ZCCHC14: variants seen among roughly 807,000 people sequenced by gnomAD.
ZCCHC14 encodes the protein zinc finger CCHC-type containing 14.
In ZCCHC14, 16 loss-of-function variants were observed where a neutral mutation model predicts 85.0. That is an observed-to-expected ratio of 0.19 (90% CI 0.13 to 0.29). The LOEUF is 0.29. Ranked by LOEUF, ZCCHC14 falls within the 10% of genes least tolerant of loss-of-function variation. The probability of loss-of-function intolerance (pLI) is 1.00; values close to 1 mark genes in which losing one functional copy is unlikely to be tolerated. For missense variants in ZCCHC14, 1,303 were observed against 1,443.5 expected (o/e 0.90, Z 1.58); for synonymous variants, 775 against 630.7 (o/e 1.23, Z -3.43).
chr16:87,492,282 C>A lies in ZCCHC14; in HGVS notation c.-44G>T. ...CCGCGACCCGGGGCCGGGGACCGCG[C>A]GGGGGCGGCCGGGGGGCGCCGGGGG... On this transcript the variant is annotated 5_prime_UTR_variant, in exon 1 of 13. Coordinates refer to ENST00000671377, the MANE Select transcript of ZCCHC14 (RefSeq NM_015144.3). The surrounding 1 kb of genome is among the most constrained non-coding windows in gnomAD (Gnocchi z 6.7). 3.1e-6 allele frequency: 3 copies of A among 969,990 alleles called. No individual in the cohort carries two copies. Among genetic ancestry groups the A allele is most frequent in the East Asian group, 1.2e-4 (1 of 8,566 alleles). 60.1% of individuals were successfully genotyped at this position (969,990 alleles called of 1,614,324 possible). A position where few individuals can be genotyped will look rare whatever the true frequency, so the allele number is the denominator to read the frequency against.
chr16:87,427,326 AG>A (rs1308434762), intron 3 of ZCCHC14, among the ~76,000 whole-genome samples: 8 of 152,384 alleles, frequency 5.2e-5, no homozygotes, highest in Non-Finnish European at 8.8e-5. Context: ...ACAGAGACTC[AG>A]GGAAGCCTCA....
intron 2 of ZCCHC14, among the ~76,000 whole-genome samples, chr16:87,455,864 T>C (rs1334908531): frequency 6.6e-6 from 1 of 152,198 alleles, no homozygotes; most frequent in Non-Finnish European, 1.5e-5. Flanking sequence ...TGAAGTGGGC[T>C]GTGTGTTAGA....
At chr16:87,462,807 C>T (rs1047294056) in intron 1 of ZCCHC14, among the ~76,000 whole-genome samples, 52 of 151,716 alleles carry the variant, frequency 3.4e-4, no homozygotes, top group African/African-American at 1.1e-3. Context: ...TAGTGGCTCA[C>T]GCCAGTAATC....
intron 1 of ZCCHC14, among the ~76,000 whole-genome samples, chr16:87,477,669 T>C (rs1257842239): frequency 2.0e-5 from 3 of 152,132 alleles, no homozygotes; most frequent in African/African-American, 4.8e-5. Flanking sequence ...GGGACAAAAA[T>C]AGAACTTGAC....
chr16:87,412,985 GGA>G lies in ZCCHC14; in HGVS notation c.1745-11_1745-10del. 6.2e-7 allele frequency: 1 copy of G among 1,613,288 alleles called. No individual in the cohort carries two copies. The highest frequency in any genetic ancestry group is 1.1e-5 in the South Asian group (1 of 90,966). ...CAAGTGAATCTCCACACCTAGAGAG[GGA>G]AACAAGAGTGGTCAGTGCCATTCCA... On this transcript the variant is annotated splice_polypyrimidine_tract_variant and intron_variant, in intron 11 of 12. Coordinates refer to ENST00000671377, the MANE Select transcript of ZCCHC14 (RefSeq NM_015144.3).
At position 87,423,886 on chromosome 16, in the gene ZCCHC14, A is replaced by T; in HGVS notation, c.769-5T>A. ...TGAAGAATCAGACCACAAGACCTTA[A>T]AAACAAACAAACAAACAAACCTTAG... is the stretch of plus-strand genomic sequence containing the variant. On this transcript the variant is annotated splice_region_variant and splice_polypyrimidine_tract_variant and intron_variant, in intron 3 of 12. Transcript: ENST00000671377. 2 of 1,612,992 alleles carry T rather than the reference A, an allele frequency of 1.2e-6. No homozygotes were observed. Among genetic ancestry groups the T allele is most frequent in the Non-Finnish European group, 1.7e-6 (2 of 1,179,184 alleles).
chr16:87,424,096 A>G lies in ZCCHC14; in HGVS notation c.769-215T>C, dbSNP rs1909244578. Among the ~76,000 whole-genome samples, 4 of 152,146 alleles carry G rather than the reference A, an allele frequency of 2.6e-5. No individual in the cohort carries two copies. In the South Asian group the frequency reaches 8.3e-4, roughly 32 times the overall value. ...TCTAAAGTCTAACTTGTTTTATGCA[A>G]TTATTCAGATATCACCAAATTACTC... On this transcript the variant is annotated intron_variant, in intron 3 of 12. Coordinates refer to ENST00000671377, the MANE Select transcript of ZCCHC14 (RefSeq NM_015144.3).
chr16:87,444,833 G>A (rs1188014317), intron 2 of ZCCHC14, among the ~76,000 whole-genome samples: 1 of 152,198 alleles, frequency 6.6e-6, no homozygotes, highest in African/African-American at 2.4e-5. Flanking sequence ...GGGTATAAAA[G>A]GCATTACTGG....
At chr16:87,415,507 C>G (rs1597399666) in intron 8 of ZCCHC14, 140 bp from the exon 9 acceptor site, 3 of 699,948 alleles carry the variant, frequency 4.3e-6, no homozygotes, top group South Asian at 3.6e-5. Flanking sequence ...CAATTACAAG[C>G]TGGGAAATCC....
In ZCCHC14 at chr16:87,411,784, G is replaced by A. The variant is rs761406439; in HGVS notation, c.2937C>T (p.Gly979=). 1.1e-5 allele frequency: 17 copies of A among 1,611,056 alleles called. No individual in the cohort carries two copies. Among genetic ancestry groups the A allele is most frequent in the Admixed American group, 3.3e-5 (2 of 59,752 alleles). The change falls in exon 12 of 13, where the codon GGC becomes GGT. Residue 979 remains glycine (G), a synonymous_variant. Transcript: ENST00000671377. Reference sequence around the variant, plus strand: ...GCACGACGGGGAAGGTGGAGCCGCCGCCGTACTGCTGGGCGCTGACGTAGC... The same window carrying A: ...GCACGACGGGGAAGGTGGAGCCGCCACCGTACTGCTGGGCGCTGACGTAGC... The part of the protein sequence containing the change: ...SSGYVSAQQY[G]GGSTFPVVHA...
At chr16:87,475,176 G>C (rs1356783426) in intron 1 of ZCCHC14, among the ~76,000 whole-genome samples, 2 of 152,192 alleles carry the variant, frequency 1.3e-5, no homozygotes, top group Non-Finnish European at 2.9e-5. Flanking sequence ...TTACAACGGG[G>C]CTCAGGAACA....
intron 1 of ZCCHC14, among the ~76,000 whole-genome samples, chr16:87,490,541 T>TA (rs1231148263): frequency 1.3e-5 from 2 of 152,326 alleles, no homozygotes; most frequent in African/African-American, 2.4e-5. Flanking sequence ...CTGAAACACT[T>TA]AGACAAAAGT....
At position 87,420,321 on chromosome 16, in the gene ZCCHC14, C is replaced by A. The variant is rs1274470982; in HGVS notation, c.950+286G>T. Among the ~76,000 whole-genome samples, 5 of 152,240 alleles carry A rather than the reference C, an allele frequency of 3.3e-5. No homozygotes were observed. Among genetic ancestry groups the A allele is most frequent in the African/African-American group, 1.2e-4 (5 of 41,456 alleles). On this transcript the variant is annotated intron_variant, in intron 5 of 12. Coordinates refer to ENST00000671377, the MANE Select transcript of ZCCHC14 (RefSeq NM_015144.3). The surrounding 1 kb of genome is among the most constrained non-coding windows in gnomAD (Gnocchi z 5.0). ...TGGGAATAGTCTCAACCTTGGACTA[C>A]AGGATGGAAACAGCAGCCCAGGATT...
In ZCCHC14 at chr16:87,409,320, C is replaced by T. The variant is rs1345710336; in HGVS notation, c.*960G>A. On this transcript the variant is annotated 3_prime_UTR_variant, in exon 13 of 13. Transcript: ENST00000671377. ...CGGGGTTGGAGGTTCTTGGGGAGCC[C>T]GTGGGAGATAAAGCAACTTGCAAAC... The T allele has an allele frequency of 6.6e-6, 1 of 152,156 alleles. No homozygotes were observed. The highest frequency in any genetic ancestry group is 1.9e-4 in the East Asian group (1 of 5,194). 9.4% of individuals were successfully genotyped at this position (152,156 alleles called of 1,614,324 possible).
At chr16:87,429,501 C>A (rs118104330) in intron 3 of ZCCHC14, among the ~76,000 whole-genome samples, 2,452 of 152,158 alleles carry the variant, frequency 0.016, 23 homozygotes, top group Middle Eastern at 0.041. Context: ...TAGTAAGAAG[C>A]AGCAACTTGT....
chr16:87,479,966 G>A (rs1252528625), intron 1 of ZCCHC14, among the ~76,000 whole-genome samples: 2 of 151,702 alleles, frequency 1.3e-5, no homozygotes, highest in African/African-American at 4.8e-5. Flanking sequence ...AATAGAGATG[G>A]GGTTTCGCCA....
intron 2 of ZCCHC14, among the ~76,000 whole-genome samples, chr16:87,451,651 A>G (rs1244196910): frequency 2.6e-5 from 4 of 152,258 alleles, no homozygotes; most frequent in Non-Finnish European, 5.9e-5. Flanking sequence ...AAAAGGTTCA[A>G]AGAAGTGATG....
At chr16:87,438,025 C>T (rs1239451269) in intron 2 of ZCCHC14, among the ~76,000 whole-genome samples, 2 of 152,258 alleles carry the variant, frequency 1.3e-5, no homozygotes, top group Non-Finnish European at 1.5e-5. Context: ...CTGCTGCTGG[C>T]CATGTGGCAG....
intron 6 of ZCCHC14, among the ~76,000 whole-genome samples, chr16:87,419,205 T>A (rs1439533492): frequency 6.6e-6 from 1 of 151,476 alleles, no homozygotes; most frequent in East Asian, 1.9e-4. Context: ...CTCGGCTCAC[T>A]GCAACCACCG....
Sources: allele counts gnomAD v4.1 joint callset (sites outside exome capture counted in the v4.1 genomes callset), GRCh38; gene constraint gnomAD v4.1.1; non-coding constraint Gnocchi (gnomAD v3.1); transcripts MANE v1.5; gene names NCBI Gene and HGNC (gene_info 2026-07-23, HGNC 2026-07-21).